SV2C: variants seen among roughly 807,000 people sequenced by gnomAD.
SV2C encodes solute carrier family 22 member B3.
A neutral mutation model predicts 79.7 loss-of-function variants in SV2C; 49 were observed. The observed-to-expected ratio is 0.61, with a 90% confidence interval of 0.49 to 0.78. The LOEUF (loss-of-function observed/expected upper bound fraction) is 0.78. SV2C is among the 30% of genes least tolerant of loss of function. The pLI, the probability that SV2C is intolerant of heterozygous loss-of-function variation, is 0.00. For missense variants in SV2C, 833 were observed against 912.9 expected, an observed-to-expected ratio of 0.91 and a Z score of 1.13; for synonymous variants, 334 against 333.2, an observed-to-expected ratio of 1.00 and a Z score of -0.03.
At chr5:75,897,044 T>C in the SV2C span, among the ~76,000 whole-genome samples, 1 of 145,846 alleles carries the variant, frequency 6.9e-6, no homozygotes, top group South Asian at 2.1e-4. Flanking sequence ...TGGTAGTTTC[T>C]TTTGCTGTGC....
At chr5:76,058,914 A>T in the SV2C span, among the ~76,000 whole-genome samples, 2 of 152,114 alleles carry the variant, frequency 1.3e-5, no homozygotes, top group South Asian at 4.1e-4. Context: ...GAATGAATGT[A>T]TGCTTATCTT....
At chr5:75,895,335 T>C in the SV2C span, among the ~76,000 whole-genome samples, 1 of 152,124 alleles carries the variant, frequency 6.6e-6, no homozygotes, top group East Asian at 1.9e-4. Context: ...AGCTCAGACA[T>C]TAGACTTACT....
the SV2C span, among the ~76,000 whole-genome samples, chr5:75,897,894 C>G: frequency 6.6e-6 from 1 of 151,866 alleles, no homozygotes. Flanking sequence ...TATAAGAATG[C>G]TTGTGATTTT....
intron 12 of SV2C, among the ~76,000 whole-genome samples, chr5:76,321,852 T>C (rs1247508604): frequency 6.6e-6 from 1 of 152,090 alleles, no homozygotes; most frequent in Non-Finnish European, 1.5e-5. Context: ...AGAAGTGGGA[T>C]GTGTCTTACT....
At chr5:76,230,587 T>C (rs1487320789) in intron 4 of SV2C, among the ~76,000 whole-genome samples, 2 of 151,792 alleles carry the variant, frequency 1.3e-5, no homozygotes, top group Non-Finnish European at 2.9e-5. Flanking sequence ...GTCCAGGAGT[T>C]CGAGACCAGC....
the SV2C span, among the ~76,000 whole-genome samples, chr5:75,966,891 A>C: frequency 5.1e-3 from 782 of 152,290 alleles, 9 homozygotes; most frequent in African/African-American, 0.016. Context: ...CTCAAGACAG[A>C]TTTAGGCCCT....
chr5:76,209,066 A>G (rs553354830), intron 3 of SV2C, among the ~76,000 whole-genome samples: 8 of 152,306 alleles, frequency 5.3e-5, no homozygotes, highest in African/African-American at 1.9e-4. Flanking sequence ...AGGAAGCATT[A>G]TATTCCATTC....
At chr5:76,221,221 G>T (rs756353640) in intron 4 of SV2C, among the ~76,000 whole-genome samples, 2 of 152,176 alleles carry the variant, frequency 1.3e-5, no homozygotes, top group Non-Finnish European at 2.9e-5. Flanking sequence ...CTCAGGGAAT[G>T]GTCAGGAAGG....
chr5:76,106,429 G>T (rs1415419637), intron 1 of SV2C, among the ~76,000 whole-genome samples: 1 of 152,136 alleles, frequency 6.6e-6, no homozygotes, highest in Non-Finnish European at 1.5e-5. Flanking sequence ...GTCAGATCAT[G>T]TCCCTTCTCT....
chr5:76,224,372 G>A (rs2112385343), intron 4 of SV2C, among the ~76,000 whole-genome samples: 1 of 152,264 alleles, frequency 6.6e-6, no homozygotes, highest in African/African-American at 2.4e-5. Context: ...GTGTATGTGT[G>A]TATTTCTTTG....
chr5:75,907,459 A>G, the SV2C span, among the ~76,000 whole-genome samples: 1 of 152,176 alleles, frequency 6.6e-6, no homozygotes, highest in African/African-American at 2.4e-5. Context: ...CTTGCAGGCT[A>G]TGGAGCAGCG....
chr5:76,227,122 C>A (rs970884154), intron 4 of SV2C, among the ~76,000 whole-genome samples: 1 of 152,138 alleles, frequency 6.6e-6, no homozygotes, highest in Non-Finnish European at 1.5e-5. Flanking sequence ...TGAGAAGTAC[C>A]CTTGGTGATT....
chr5:76,082,775 C>A (rs1747038069), upstream of SV2C, among the ~76,000 whole-genome samples: 1 of 152,058 alleles, frequency 6.6e-6, no homozygotes, highest in African/African-American at 2.4e-5. Context: ...TTTGCTCTTG[C>A]TGTGCCCAAG....
chr5:76,248,556 C>G (rs1160595741), intron 4 of SV2C, among the ~76,000 whole-genome samples: 1 of 151,822 alleles, frequency 6.6e-6, no homozygotes, highest in African/African-American at 2.4e-5. Flanking sequence ...TTGGAGGGGA[C>G]TAAGTTCAGC....
At chr5:76,350,970 C>A (rs1749631280) in intron 12 of SV2C, among the ~76,000 whole-genome samples, 2 of 150,640 alleles carry the variant, frequency 1.3e-5, no homozygotes, top group African/African-American at 4.9e-5. Context: ...GCCAAGATCT[C>A]ACCACTGCAC....
chr5:76,003,989 G>A, the SV2C span, among the ~76,000 whole-genome samples: 49 of 152,196 alleles, frequency 3.2e-4, 1 homozygote, highest in East Asian at 8.5e-3. Context: ...GAGCTGAAAG[G>A]TGGTTCCAGT....
chr5:76,063,912 A>G, the SV2C span, among the ~76,000 whole-genome samples: 8 of 152,166 alleles, frequency 5.3e-5, no homozygotes, highest in African/African-American at 1.7e-4. Context: ...ATTTTACATG[A>G]TATCCTTTGA....
intron 1 of SV2C, among the ~76,000 whole-genome samples, chr5:76,095,553 C>A (rs186063643): frequency 8.5e-5 from 13 of 152,078 alleles, no homozygotes; most frequent in Admixed American, 7.2e-4. Context: ...GCTTTGACTT[C>A]TCAGGTCAGT....
chr5:76,170,820 G>C (rs1267837916), intron 2 of SV2C: 1 of 222,170 alleles, frequency 4.5e-6, no homozygotes, highest in Non-Finnish European at 8.6e-6. Context: ...TAGGGAGCCC[G>C]TCCGGCCATG....
Sources: gnomAD v4.1 joint callset for allele counts (sites outside exome capture counted in the v4.1 genomes callset) on GRCh38, gnomAD v4.1.1 for gene constraint, MANE v1.5 for transcripts, NCBI Gene and HGNC (gene_info 2026-07-23, HGNC 2026-07-21) for gene names.